Variants in JAM3 observed in about 807,000 individuals in gnomAD.
The protein encoded by JAM3 is junctional adhesion molecule C.
JAM3 carries 31 observed loss-of-function variants against 39.4 expected under a neutral mutation model. That is an observed-to-expected ratio of 0.79 (90% CI 0.59 to 1.06). The LOEUF (loss-of-function observed/expected upper bound fraction) is 1.06, where lower values mean the gene tolerates loss of function less well. JAM3 is among the 50% of genes least tolerant of loss of function. The probability of loss-of-function intolerance (pLI) is 0.00; values close to 1 mark genes in which losing one functional copy is unlikely to be tolerated. For missense variants in JAM3, 455 were observed against 391.4 expected, an observed-to-expected ratio of 1.16 and a Z score of -1.37; for synonymous variants, 182 against 148.7, an observed-to-expected ratio of 1.22 and a Z score of -1.63.
chr11:134,079,122 G>A (rs774485343), intron 1 of JAM3, among the ~76,000 whole-genome samples: 1 of 152,084 alleles, frequency 6.6e-6, no homozygotes, highest in Non-Finnish European at 1.5e-5. Flanking sequence ...ATTCTTGAGG[G>A]TTGGGGTTGT....
At position 134,111,957 on chromosome 11, in the gene JAM3, A is replaced by G. The variant is rs189819606; in HGVS notation, c.77-27894A>G. Among the ~76,000 whole-genome samples, 27 of 152,190 alleles carry G rather than the reference A, an allele frequency of 1.8e-4. No individual in the cohort carries two copies. In the East Asian group the frequency reaches 4.4e-3, roughly 25 times the overall value. On this transcript the variant is annotated intron_variant, in intron 1 of 8. Coordinates refer to ENST00000299106, the MANE Select transcript of JAM3 (RefSeq NM_032801.5). The stretch of plus-strand genomic sequence containing the variant: ...AAGTCCAGCCTCTCCACCTACCACA[A>G]CCTCCATAATCACACTAATTACATT...
chr11:134,126,735 C>T (rs965833712), intron 1 of JAM3, among the ~76,000 whole-genome samples: 1 of 152,152 alleles, frequency 6.6e-6, no homozygotes, highest in South Asian at 2.1e-4. Flanking sequence ...GAAAACTGTG[C>T]TAGATACCAC....
At chr11:134,094,969 T>C (rs376025205) in intron 1 of JAM3, among the ~76,000 whole-genome samples, 1 of 152,262 alleles carries the variant, frequency 6.6e-6, no homozygotes, top group East Asian at 1.9e-4. Context: ...TTCCTTCATA[T>C]GTAACACGTA....
Position 134,079,049 on chromosome 11 carries a change from CAG to C in JAM3, c.76+9892_76+9893del, listed in dbSNP as rs200285033. 2.8e-4 allele frequency among the ~76,000 whole-genome samples: 43 copies of C among 152,098 alleles called. No homozygotes were observed. In the East Asian group the frequency reaches 8.3e-3, roughly 29 times the overall value. ...AGCGAAACTCTGTTACAAAACAAAA[CAG>C]AATTATGAACTTAAATATTTGCTTT... On this transcript the variant is annotated intron_variant, in intron 1 of 8. Coordinates refer to ENST00000299106, the MANE Select transcript of JAM3 (RefSeq NM_032801.5).
At chr11:134,096,824 C>T (rs1352973428) in intron 1 of JAM3, among the ~76,000 whole-genome samples, 1 of 152,086 alleles carries the variant, frequency 6.6e-6, no homozygotes, top group African/African-American at 2.4e-5. Flanking sequence ...TATTCTTTAC[C>T]TATGCTGTAC....
chr11:134,098,744 T>C (rs1010236023), intron 1 of JAM3, among the ~76,000 whole-genome samples: 3 of 152,128 alleles, frequency 2.0e-5, no homozygotes, highest in Admixed American at 2.0e-4. Context: ...TAAGGGTGAT[T>C]TCAGAGCTAG....
intron 1 of JAM3, among the ~76,000 whole-genome samples, chr11:134,137,070 G>A (rs958278627): frequency 2.0e-5 from 3 of 150,334 alleles, no homozygotes; most frequent in African/African-American, 7.4e-5. Context: ...CCGAGGTTGC[G>A]CCACTGCACT....
intron 1 of JAM3, among the ~76,000 whole-genome samples, chr11:134,099,206 A>G (rs1019294518): frequency 7.2e-5 from 11 of 152,106 alleles, no homozygotes; most frequent in Non-Finnish European, 1.3e-4. Flanking sequence ...ATTTCAAAAA[A>G]TAAAAATAAA....
chr11:134,149,703 C>A lies in JAM3; in HGVS notation c.*522C>A. 4.4e-6 allele frequency: 2 copies of A among 456,552 alleles called. No individual in the cohort carries two copies. The highest frequency in any genetic ancestry group is 1.5e-5 in the South Asian group (1 of 64,562). 28.3% of individuals were successfully genotyped at this position (456,552 alleles called of 1,614,324 possible). ...GTTTCTTCTTAAAGGCTCTGCTGAT[C>A]GGTGTTGCAGTGTCCATTGTGGAGA... On this transcript the variant is annotated 3_prime_UTR_variant, in exon 9 of 9. Coordinates refer to ENST00000299106, the MANE Select transcript of JAM3 (RefSeq NM_032801.5).
In JAM3 at chr11:134,081,443, C is replaced by G. The variant is rs529331430; in HGVS notation, c.76+12284C>G. 1.4e-3 allele frequency among the ~76,000 whole-genome samples: 206 copies of G among 152,276 alleles called. 1 individual carries two copies. The highest frequency in any genetic ancestry group is 4.8e-3 in the African/African-American group (201 of 41,558). On this transcript the variant is annotated intron_variant, in intron 1 of 8. Transcript: ENST00000299106. ...TGTATGCTGCCTATAGACTTGGTGCCCTGCCTTCCAGCCACTCTAGCCATG... is the reference window on the plus strand; with the variant it reads ...TGTATGCTGCCTATAGACTTGGTGCGCTGCCTTCCAGCCACTCTAGCCATG...
At chr11:134,148,503 A>T (rs773321334) in intron 6 of JAM3, 44 bp from the exon 7 acceptor site, 2 of 1,613,234 alleles carry the variant, frequency 1.2e-6, no homozygotes, top group Admixed American at 1.7e-5. Context: ...TTTAAATAAC[A>T]GATAGTGTGT....
At chr11:134,147,830 C>T (rs538423460) in intron 6 of JAM3, 2 of 153,190 alleles carry the variant, frequency 1.3e-5, no homozygotes, top group East Asian at 3.9e-4. Context: ...AGAACCAATA[C>T]ACTAGGATAA....
chr11:134,146,310 A>G (rs915393716), intron 6 of JAM3, among the ~76,000 whole-genome samples: 3 of 152,216 alleles, frequency 2.0e-5, no homozygotes, highest in Non-Finnish European at 4.4e-5. Context: ...CTGCAAGTTT[A>G]GTAAACTCCA....
intron 1 of JAM3, among the ~76,000 whole-genome samples, chr11:134,090,231 A>G (rs1409423359): frequency 2.6e-5 from 4 of 152,176 alleles, no homozygotes; most frequent in African/African-American, 7.2e-5. Flanking sequence ...GTAGATTGCA[A>G]AAATTTTCTC....
intron 1 of JAM3, among the ~76,000 whole-genome samples, chr11:134,073,050 C>T (rs1461614647): frequency 1.3e-5 from 2 of 152,130 alleles, no homozygotes; most frequent in African/African-American, 4.8e-5. Flanking sequence ...TAAAGCGATC[C>T]CGAAAGAAAG....
At chr11:134,144,459 T>G (rs1262105553) in intron 4 of JAM3, 66 bp downstream of exon 4, 3 of 1,581,180 alleles carry the variant, frequency 1.9e-6, no homozygotes, top group Non-Finnish European at 2.6e-6. Flanking sequence ...AGTGTCTTGG[T>G]TTCTTTCCTT....
At chr11:134,084,638 C>T (rs749523273) in intron 1 of JAM3, among the ~76,000 whole-genome samples, 11 of 152,112 alleles carry the variant, frequency 7.2e-5, no homozygotes, top group Non-Finnish European at 1.5e-4. Flanking sequence ...TTGTTCCTGC[C>T]AGTACTTCCA....
chr11:134,088,245 C>G (rs1273785934), intron 1 of JAM3, among the ~76,000 whole-genome samples: 1 of 152,150 alleles, frequency 6.6e-6, no homozygotes, highest in African/African-American at 2.4e-5. Context: ...AATTTCGACA[C>G]CAAAACAAAA....
chr11:134,151,764 A>ATTCT lies in JAM3; in HGVS notation c.*2586_*2589dup, dbSNP rs1305430963. ...TTCAAAAAAACCCAAACATTGCTTC[A>ATTCT]TTCTTTGTTATTTGCTCTTACGTTG... On this transcript the variant is annotated 3_prime_UTR_variant, in exon 9 of 9. Coordinates refer to ENST00000299106, the MANE Select transcript of JAM3 (RefSeq NM_032801.5). The ATTCT allele has an allele frequency of 6.6e-6, 1 of 152,266 alleles. No individual in the cohort carries two copies. Among genetic ancestry groups the ATTCT allele is most frequent in the South Asian group, 2.1e-4 (1 of 4,816 alleles). The allele number at this position is 152,266 out of a possible 1,614,324, so 9.4% of individuals were successfully genotyped here. A position where few individuals can be genotyped will look rare whatever the true frequency, so the allele number is the denominator to read the frequency against.
Sources: allele counts gnomAD v4.1 joint callset (sites outside exome capture counted in the v4.1 genomes callset), GRCh38; gene constraint gnomAD v4.1.1; transcripts MANE v1.5; gene names NCBI Gene and HGNC (gene_info 2026-07-23, HGNC 2026-07-21).